DOCK5: variants seen among roughly 807,000 people sequenced by gnomAD.
The protein encoded by DOCK5 is dedicator of cytokinesis 5.
In DOCK5, 142 loss-of-function variants were observed where a neutral mutation model predicts 251.8. That is an observed-to-expected ratio of 0.56 (90% confidence interval 0.49 to 0.65). DOCK5 has a LOEUF of 0.65. Ranked by LOEUF, DOCK5 falls within the 30% of genes least tolerant of loss-of-function variation. DOCK5 has a pLI of 0.00. For missense variants in DOCK5, 2,111 were observed against 2,312.3 expected, an observed-to-expected ratio of 0.91 and a Z score of 1.79; for synonymous variants, 842 against 835.5, an observed-to-expected ratio of 1.01 and a Z score of -0.13.
At chr8:25,324,981 C>A (rs1015606275) in intron 17 of DOCK5, among the ~76,000 whole-genome samples, 1 of 151,884 alleles carries the variant, frequency 6.6e-6, no homozygotes, top group Non-Finnish European at 1.5e-5. Flanking sequence ...TGAACTCATC[C>A]TTTTTTATGG....
chr8:25,372,523 G>A (rs1800890912), intron 34 of DOCK5, 36 bp from the exon 35 acceptor site: 10 of 1,543,158 alleles, frequency 6.5e-6, no homozygotes, highest in Non-Finnish European at 7.8e-6. Flanking sequence ...TGATAGCATG[G>A]AACCTGGGCT....
intron 5 of DOCK5, among the ~76,000 whole-genome samples, chr8:25,281,389 A>G (rs1804187760): frequency 6.6e-6 from 1 of 151,312 alleles, no homozygotes; most frequent in Non-Finnish European, 1.5e-5. Context: ...CAGTGAGCCA[A>G]GATCACACTG....
Position 25,336,313 on chromosome 8 carries a change from C to T in DOCK5, c.2267C>T (p.Ala756Val), listed in dbSNP as rs368916334. ...AGCAAGACTGAACTGCTTTTTGCTG[C>T]GTTGAAAGCCTTGAAGTACTTGTTT... is the stretch of plus-strand genomic sequence containing the variant. ...DSSKTELLFA[A>V]LKALKYLFRF... Residue 756 changes from alanine to valine, a missense_variant, in exon 22 of 52, where the codon GCG becomes GTG. Around this residue, in one of 3 missense-constraint regions of DOCK5, gnomAD observed 1,717 missense variants for 1,892.4 expected, o/e 0.91. Transcript: ENST00000276440. 59 of 1,613,752 alleles carry T rather than the reference C, an allele frequency of 3.7e-5. No individual in the cohort carries two copies. The highest frequency in any genetic ancestry group is 4.8e-5 in the Non-Finnish European group (57 of 1,179,832).
At chr8:25,406,558 TA>T (rs1801526953) in intron 48 of DOCK5, among the ~76,000 whole-genome samples, 1 of 152,228 alleles carries the variant, frequency 6.6e-6, no homozygotes, top group Non-Finnish European at 1.5e-5. Context: ...TTATAGCATA[TA>T]GTTTGGTACT....
At chr8:25,353,764 C>T (rs550286648) in intron 27 of DOCK5, among the ~76,000 whole-genome samples, 2 of 152,070 alleles carry the variant, frequency 1.3e-5, no homozygotes, top group South Asian at 4.2e-4. Context: ...TGGCTCATGC[C>T]TGTAATATCA....
At chr8:25,369,721 A>T (rs1288701707) in intron 34 of DOCK5, 80 bp downstream of exon 34, 29 of 1,207,978 alleles carry the variant, frequency 2.4e-5, no homozygotes, top group Non-Finnish European at 3.3e-5. Flanking sequence ...TTTCACCAAT[A>T]GAGCAATTGA....
intron 5 of DOCK5, among the ~76,000 whole-genome samples, chr8:25,282,383 G>A (rs548373154): frequency 1.2e-4 from 18 of 152,142 alleles, no homozygotes; most frequent in African/African-American, 4.3e-4. Context: ...TCTGGTTTTC[G>A]TGTCCCATCT....
chr8:25,241,346 C>T (rs561457416), intron 1 of DOCK5, among the ~76,000 whole-genome samples: 3 of 152,018 alleles, frequency 2.0e-5, no homozygotes, highest in African/African-American at 4.8e-5. Flanking sequence ...GGCTTGGTGG[C>T]GGGCACCTGT....
At chr8:25,217,722 A>G in intron 1 of DOCK5, among the ~76,000 whole-genome samples, 1 of 152,224 alleles carries the variant, frequency 6.6e-6, no homozygotes, top group East Asian at 1.9e-4. Context: ...TCAGAGAGCC[A>G]TATGGTAGTT....
At chr8:25,368,380 T>TCC (rs1800815740) in intron 32 of DOCK5, 130 bp downstream of exon 32, 1 of 1,115,456 alleles carries the variant, frequency 9.0e-7, no homozygotes, top group Non-Finnish European at 1.3e-6. Context: ...AAGTGAAAGT[T>TCC]GATTTGTGGG....
At chr8:25,202,955 G>A (rs1444743810) in intron 1 of DOCK5, among the ~76,000 whole-genome samples, 2 of 152,148 alleles carry the variant, frequency 1.3e-5, no homozygotes, top group Non-Finnish European at 2.9e-5. Flanking sequence ...GGGGACACTA[G>A]GAGACTACTG....
intron 2 of DOCK5, among the ~76,000 whole-genome samples, chr8:25,260,742 T>C (rs147757537): frequency 6.3e-4 from 96 of 152,270 alleles, no homozygotes; most frequent in African/African-American, 2.3e-3. Context: ...ATTAGTAATG[T>C]AAATCCTCAG....
intron 1 of DOCK5, among the ~76,000 whole-genome samples, chr8:25,187,242 TATACAC>T (rs1801452408): frequency 6.9e-6 from 1 of 145,380 alleles, no homozygotes; most frequent in African/African-American, 2.7e-5. Flanking sequence ...TATATATATA[TATACAC>T]ACACACACAC....
intron 30 of DOCK5, among the ~76,000 whole-genome samples, chr8:25,364,979 G>T (rs564563738): frequency 6.6e-6 from 1 of 152,022 alleles, no homozygotes; most frequent in African/African-American, 2.4e-5. Flanking sequence ...CCTCCTTGTC[G>T]CTATAAACAT....
intron 1 of DOCK5, among the ~76,000 whole-genome samples, chr8:25,201,665 G>C (rs1337491586): frequency 6.6e-6 from 1 of 152,186 alleles, no homozygotes; most frequent in Non-Finnish European, 1.5e-5. Flanking sequence ...TGGGATTTTT[G>C]AAGTCCAAGT....
intron 1 of DOCK5, among the ~76,000 whole-genome samples, chr8:25,222,857 C>T (rs1287169239): frequency 1.3e-5 from 2 of 152,176 alleles, no homozygotes; most frequent in Non-Finnish European, 2.9e-5. Flanking sequence ...GTGAAATTTG[C>T]CAAAAGTGTC....
intron 1 of DOCK5, among the ~76,000 whole-genome samples, chr8:25,235,823 G>A (rs757003761): frequency 4.0e-5 from 5 of 124,538 alleles, no homozygotes; most frequent in East Asian, 2.3e-4. Flanking sequence ...TTTTTGAAAC[G>A]GAGTCTCACT....
In DOCK5 at chr8:25,310,456, G is replaced by A. The variant is rs367546452; in HGVS notation, c.1242G>A (p.Gln414=). 2.9e-5 allele frequency: 47 copies of A among 1,613,842 alleles called. No homozygotes were observed. The South Asian group carries it at 4.7e-4, about 16-fold the overall frequency. Reference sequence around the variant, plus strand: ...TGCCCGGTGACCTCACCCAGGTTCAGAAGAATTTTTCACACTTGGTTGATA... The same window carrying A: ...TGCCCGGTGACCTCACCCAGGTTCAAAAGAATTTTTCACACTTGGTTGATA... The part of the protein sequence containing the change: ...KLLPGDLTQV[Q]KNFSHLVDRS... Residue 414 remains glutamine (Q), a synonymous_variant, in exon 13 of 52, where the codon CAG becomes CAA. Coordinates refer to ENST00000276440, the MANE Select transcript of DOCK5 (RefSeq NM_024940.8).
chr8:25,402,479 GT>G (rs1801455720), intron 47 of DOCK5, among the ~76,000 whole-genome samples: 1 of 151,992 alleles, frequency 6.6e-6, no homozygotes, highest in Non-Finnish European at 1.5e-5. Flanking sequence ...TGCATTTTTA[GT>G]AGAGACGAGG....
Sources: allele counts gnomAD v4.1 joint callset (sites outside exome capture counted in the v4.1 genomes callset), GRCh38; gene constraint gnomAD v4.1.1; regional missense constraint gnomAD v4.1.1; transcripts MANE v1.5; gene names NCBI Gene and HGNC (gene_info 2026-07-23, HGNC 2026-07-21).